GABRR1: variants seen among roughly 807,000 people sequenced by gnomAD.
GABRR1 encodes gamma-aminobutyric acid type A receptor subunit rho1.
A neutral mutation model predicts 55.5 loss-of-function variants in GABRR1; 59 were observed. That is an observed-to-expected ratio of 1.06 (90% CI 0.86 to 1.32). GABRR1 has a LOEUF of 1.32. GABRR1 is among the 40% of genes most tolerant of loss of function. The pLI, the probability that GABRR1 is intolerant of heterozygous loss-of-function variation, is 0.00. For missense variants in GABRR1, 602 were observed against 619.1 expected, an observed-to-expected ratio of 0.97 and a Z score of 0.29; for synonymous variants, 213 against 226.0, an observed-to-expected ratio of 0.94 and a Z score of 0.51.
chr6:89,225,862 C>G (rs994397882), intron 1 of GABRR1, among the ~76,000 whole-genome samples: 1 of 138,326 alleles, frequency 7.2e-6, no homozygotes, highest in African/African-American at 2.8e-5. Flanking sequence ...AATGGTTGAA[C>G]TAGTTTACAG....
At chr6:89,215,465 T>C (rs914380818) in intron 1 of GABRR1, among the ~76,000 whole-genome samples, 1 of 152,238 alleles carries the variant, frequency 6.6e-6, no homozygotes, top group Non-Finnish European at 1.5e-5. Context: ...CTCACTTGTA[T>C]GTGAAATCTA....
chr6:89,210,851 C>T (rs563811859), intron 1 of GABRR1, among the ~76,000 whole-genome samples: 3 of 151,996 alleles, frequency 2.0e-5, no homozygotes, highest in Admixed American at 2.0e-4. Context: ...AGTGATTAGT[C>T]CTTGGAGAGA....
intron 6 of GABRR1, 29 bp from the exon 7 acceptor site, chr6:89,185,479 C>T (rs750271212): frequency 1.2e-6 from 2 of 1,605,012 alleles, no homozygotes; most frequent in Non-Finnish European, 1.7e-6. Flanking sequence ...GCATCAGACA[C>T]AAGGTGGTGG....
At chr6:89,206,158 G>A (rs1772635105) in intron 1 of GABRR1, among the ~76,000 whole-genome samples, 1 of 152,006 alleles carries the variant, frequency 6.6e-6, no homozygotes, top group Non-Finnish European at 1.5e-5. Flanking sequence ...CATATGGGAG[G>A]CAGCAGGCTT....
intron 1 of GABRR1, among the ~76,000 whole-genome samples, chr6:89,210,651 A>G (rs984934772): frequency 1.3e-5 from 2 of 152,126 alleles, no homozygotes; most frequent in African/African-American, 4.8e-5. Flanking sequence ...TAGTGCCCTC[A>G]ATACATATTT....
chr6:89,219,608 G>A (rs1773082897), upstream of GABRR1, among the ~76,000 whole-genome samples: 1 of 152,106 alleles, frequency 6.6e-6, no homozygotes, highest in African/African-American at 2.4e-5. Flanking sequence ...GGTCCTCCAG[G>A]GATTGTCTGA....
intron 1 of GABRR1, among the ~76,000 whole-genome samples, chr6:89,224,547 G>A (rs940051931): frequency 2.0e-5 from 3 of 152,152 alleles, no homozygotes; most frequent in African/African-American, 7.2e-5. Flanking sequence ...ATTTGTTTGA[G>A]TTTGTTGTAG....
chr6:89,184,877 TTTTC>T (rs201499128), intron 7 of GABRR1, among the ~76,000 whole-genome samples: 27 of 143,420 alleles, frequency 1.9e-4, no homozygotes, highest in East Asian at 1.8e-3. Flanking sequence ...CTTTAGTTTC[TTTTC>T]TTTCTTTTTT....
rs1771612864 is a variant in GABRR1 at position 89,178,659 on chromosome 6, TG to T, written c.*110del. ...AGCTGCAGAAGGGATAGTGAAAACA[TG>T]GGTGGGTCCTGGGATTTTTTTTTAA... On this transcript the variant is annotated 3_prime_UTR_variant, in exon 10 of 10. Transcript: ENST00000454853. 1.4e-5 allele frequency: 12 copies of T among 880,228 alleles called. No homozygotes were observed. Among genetic ancestry groups the T allele is most frequent in the Non-Finnish European group, 2.1e-5 (12 of 580,630 alleles). The allele number at this position is 880,228 out of a possible 1,614,324, so 54.5% of individuals were successfully genotyped here. A position where few individuals can be genotyped will look rare whatever the true frequency, so the allele number is the denominator to read the frequency against.
chr6:89,191,034 A>AT (rs1416061513), intron 5 of GABRR1, among the ~76,000 whole-genome samples: 1 of 152,262 alleles, frequency 6.6e-6, no homozygotes, highest in Non-Finnish European at 1.5e-5. Context: ...ACCATGCAAT[A>AT]TTTGCTACGC....
At position 89,206,318 on chromosome 6, in the gene GABRR1, A is replaced by G. The variant is rs55936230; in HGVS notation, c.123-2833T>C. Among the ~76,000 whole-genome samples the G allele has an allele frequency of 9.3e-3, 1,417 of 152,002 alleles. 21 individuals carry two copies. The highest frequency in any genetic ancestry group is 0.033 in the African/African-American group (1,354 of 41,434). Reference sequence around the variant, plus strand: ...ATATAAGGCCCATAATAAGGCTCCCACTCACTTTTCCACTCAGCTCCCACT... The same window carrying G: ...ATATAAGGCCCATAATAAGGCTCCCGCTCACTTTTCCACTCAGCTCCCACT... On this transcript the variant is annotated intron_variant, in intron 1 of 9. Transcript: ENST00000454853.
intron 1 of GABRR1, among the ~76,000 whole-genome samples, chr6:89,207,142 G>A (rs1387365314): frequency 6.6e-6 from 1 of 152,154 alleles, no homozygotes; most frequent in Non-Finnish European, 1.5e-5. Context: ...AGGAGAGTCA[G>A]TAGAAGGAAA....
intron 7 of GABRR1, 95 bp from the exon 8 acceptor site, chr6:89,182,152 T>C (rs1771750155): frequency 1.7e-6 from 2 of 1,175,090 alleles, no homozygotes; most frequent in Admixed American, 2.0e-5. Flanking sequence ...GACACTCCAA[T>C]GGACTCTTAT....
At chr6:89,187,838 C>T (rs1306952229) in intron 6 of GABRR1, among the ~76,000 whole-genome samples, 3 of 152,166 alleles carry the variant, frequency 2.0e-5, no homozygotes, top group African/African-American at 7.2e-5. Flanking sequence ...CCACTGTATG[C>T]AGATACTGCA....
At chr6:89,189,547 A>C (rs1482324639) in intron 6 of GABRR1, among the ~76,000 whole-genome samples, 1 of 139,452 alleles carries the variant, frequency 7.2e-6, no homozygotes, top group Non-Finnish European at 1.5e-5. Context: ...GCATTGGGAG[A>C]TATACCTAAT....
intron 2 of GABRR1, among the ~76,000 whole-genome samples, chr6:89,202,107 T>G (rs1175615564): frequency 6.6e-6 from 1 of 152,196 alleles, no homozygotes; most frequent in Non-Finnish European, 1.5e-5. Flanking sequence ...AGGTGGCTAC[T>G]CCTGCTACTG....
Position 89,217,257 on chromosome 6 carries a change from A to G in GABRR1, c.66T>C (p.Thr22=). 1 of 1,614,112 alleles carries G rather than the reference A, an allele frequency of 6.2e-7. No individual in the cohort carries two copies. Among genetic ancestry groups the G allele is most frequent in the Non-Finnish European group, 8.5e-7 (1 of 1,179,982 alleles). The change falls in exon 1 of 10, where the codon ACT becomes ACC. Residue 22 remains threonine, a synonymous_variant. Coordinates refer to ENST00000454853, the MANE Select transcript of GABRR1 (RefSeq NM_002042.5). ...TTCCGGGCCAGTGCATTCTGCTTTCAGTGGCCAAAACCCATCCCCACCACA... is the reference window on the plus strand; with the variant it reads ...TTCCGGGCCAGTGCATTCTGCTTTCGGTGGCCAAAACCCATCCCCACCACA... The part of the protein sequence containing the change: ...FLLWWGWVLA[T]ESRMHWPGRE...
At chr6:89,179,142 A>T in intron 9 of GABRR1, 79 bp from the exon 10 acceptor site, 2 of 1,411,570 alleles carry the variant, frequency 1.4e-6, no homozygotes, top group South Asian at 2.6e-5. Context: ...TGCATAGTGG[A>T]GGGTGTTGCC....
rs188997970 is a variant in GABRR1, at chr6:89,194,308, G to A, written c.572+3712C>T. On this transcript the variant is annotated intron_variant, in intron 5 of 9. Transcript: ENST00000454853. ...AGGACCTCCCCCATTCGGGACTGGC[G>A]GTGCAGAGACAGACTGGTTACTGGA... is the stretch of plus-strand genomic sequence containing the variant. 6.3e-3 allele frequency among the ~76,000 whole-genome samples: 953 copies of A among 152,260 alleles called. 5 individuals are homozygous for A. The highest frequency in any genetic ancestry group is 0.011 in the Admixed American group (172 of 15,290).
Sources: allele counts gnomAD v4.1 joint callset (sites outside exome capture counted in the v4.1 genomes callset), GRCh38; gene constraint gnomAD v4.1.1; transcripts MANE v1.5; gene names NCBI Gene and HGNC (gene_info 2026-07-23, HGNC 2026-07-21).